The following SIN3A variants were observed in gnomAD, a reference collection of about 807,000 sequenced individuals.
SIN3A encodes the protein SIN3 transcription regulator family member A, also known as paired amphipathic helix protein Sin3a.
In SIN3A, 14 loss-of-function variants were observed where a neutral mutation model predicts 146.1. That is an observed-to-expected ratio of 0.10 (90% CI 0.06 to 0.15). The LOEUF is 0.15. Among genes scored for constraint, SIN3A ranks in the 10% least tolerant of loss-of-function variants. The pLI is 1.00. For missense variants in SIN3A, 1,028 were observed against 1,576.0 expected (o/e 0.65, Z 5.89); for synonymous variants, 572 against 572.0 (o/e 1.00, Z 0.00).
At chr15:75,376,655 G>C (rs1033937931) in intron 19 of SIN3A, among the ~76,000 whole-genome samples, 2 of 151,210 alleles carry the variant, frequency 1.3e-5, no homozygotes, top group Non-Finnish European at 2.9e-5. Context: ...TCAGGAGTTT[G>C]AGACTAGCCT....
upstream of SIN3A, among the ~76,000 whole-genome samples, chr15:75,452,108 A>C (rs1443542509): frequency 6.6e-6 from 1 of 152,212 alleles, no homozygotes; most frequent in Non-Finnish European, 1.5e-5. Context: ...CGCCCCAGTA[A>C]GGTAAGTAAC....
rs76736503 is a variant in SIN3A, at chr15:75,417,289, C to T, written c.367-2978G>A. Among the ~76,000 whole-genome samples, 1,261 of 151,982 alleles carry T rather than the reference C, an allele frequency of 8.3e-3. 22 individuals are homozygous for T. The highest frequency in any genetic ancestry group is 0.029 in the African/African-American group (1,196 of 41,448). ...GTTAAGTTTTATTTTGGTAGTTTAA[C>T]TGAAGCCTAAATATTTAAAATTATA... On this transcript the variant is annotated intron_variant, in intron 3 of 20. Coordinates refer to ENST00000394947, the MANE Select transcript of SIN3A (RefSeq NM_001145358.2).
At chr15:75,398,575 G>A (rs1262445299) in intron 12 of SIN3A, among the ~76,000 whole-genome samples, 2 of 152,134 alleles carry the variant, frequency 1.3e-5, no homozygotes, top group African/African-American at 4.8e-5. Flanking sequence ...ATACTTGGGA[G>A]GCTGAGGCAG....
chr15:75,388,913 G>A (rs2073144400), intron 16 of SIN3A: 1 of 152,070 alleles, frequency 6.6e-6, no homozygotes, highest in South Asian at 2.1e-4. Flanking sequence ...AATCTCTCTG[G>A]GAGTTCAGAA....
chr15:75,432,973 C>T (rs1196238361), intron 1 of SIN3A, among the ~76,000 whole-genome samples: 4 of 152,150 alleles, frequency 2.6e-5, no homozygotes, highest in Admixed American at 6.5e-5. Flanking sequence ...ACCTGGGAGG[C>T]GGAGGTTGCA....
At chr15:75,424,113 T>C (rs2073885003) in intron 2 of SIN3A, among the ~76,000 whole-genome samples, 1 of 152,054 alleles carries the variant, frequency 6.6e-6, no homozygotes, top group Admixed American at 6.6e-5. Context: ...CCAATAAAAA[T>C]AAATTACTAT....
Position 75,371,801 on chromosome 15 carries a change from C to T in SIN3A, c.*178G>A. ...TCAGCTTTGTAAGGTATTCATGTTC[C>T]TAACAGGTAGCCCACTTGGTGCCAG... On this transcript the variant is annotated 3_prime_UTR_variant, in exon 21 of 21. Coordinates refer to ENST00000394947, the MANE Select transcript of SIN3A (RefSeq NM_001145358.2). The T allele has an allele frequency of 1.6e-6, 1 of 606,530 alleles. No homozygotes were observed. The highest frequency in any genetic ancestry group is 2.8e-5 in the East Asian group (1 of 35,362). 37.6% of individuals were successfully genotyped at this position (606,530 alleles called of 1,614,324 possible). A position where few individuals can be genotyped will look rare whatever the true frequency, so the allele number is the denominator to read the frequency against.
At chr15:75,432,663 G>A (rs941216451) in intron 1 of SIN3A, among the ~76,000 whole-genome samples, 13 of 136,386 alleles carry the variant, frequency 9.5e-5, no homozygotes, top group Admixed American at 3.9e-4. Flanking sequence ...TCCAGCCTGG[G>A]CAACAGACTG....
intron 1 of SIN3A, among the ~76,000 whole-genome samples, chr15:75,436,133 CA>C (rs60381548): frequency 4.3e-5 from 6 of 138,758 alleles, no homozygotes; most frequent in African/African-American, 1.3e-4. Context: ...GACTCTGTCT[CA>C]AAAAAAAAAC....
intron 19 of SIN3A, among the ~76,000 whole-genome samples, chr15:75,380,124 G>T (rs1567314411): frequency 6.6e-6 from 1 of 152,176 alleles, no homozygotes; most frequent in African/African-American, 2.4e-5. Context: ...AAAAATCCTG[G>T]CACAGAGTCT....
At chr15:75,429,884 A>AT (rs367810931) in intron 2 of SIN3A, among the ~76,000 whole-genome samples, 150 of 152,310 alleles carry the variant, frequency 9.8e-4, no homozygotes, top group African/African-American at 3.4e-3. Flanking sequence ...AAACTAAACA[A>AT]TTATGTTAGT....
chr15:75,406,253 C>T (rs969492226), intron 9 of SIN3A, among the ~76,000 whole-genome samples: 2 of 152,168 alleles, frequency 1.3e-5, no homozygotes, highest in South Asian at 4.1e-4. Flanking sequence ...TAAGGCACCA[C>T]ACAACATCAT....
chr15:75,372,837 AAAACCC>A (rs1169411088), intron 20 of SIN3A, among the ~76,000 whole-genome samples: 1 of 151,470 alleles, frequency 6.6e-6, no homozygotes, highest in African/African-American at 2.4e-5. Context: ...AAAAAAAAAA[AAAACCC>A]AAAACCCCCA....
intron 2 of SIN3A, among the ~76,000 whole-genome samples, chr15:75,426,361 C>T (rs1231046677): frequency 6.6e-6 from 1 of 152,204 alleles, no homozygotes; most frequent in African/African-American, 2.4e-5. Context: ...TGCATTTCCT[C>T]TTCTTTATAT....
intron 15 of SIN3A, among the ~76,000 whole-genome samples, chr15:75,391,228 C>T (rs1183144029): frequency 6.6e-6 from 1 of 152,146 alleles, no homozygotes; most frequent in African/African-American, 2.4e-5. Flanking sequence ...TTTGTCCAAA[C>T]AAGCTGTGGT....
At chr15:75,375,524 A>T in intron 20 of SIN3A, 141 bp downstream of exon 20, 1 of 673,148 alleles carries the variant, frequency 1.5e-6, no homozygotes, top group South Asian at 1.9e-5. Flanking sequence ...TTAGCAACCA[A>T]CATACGTACT....
rs2072972842 is a variant in SIN3A, at chr15:75,381,643, C to T, written c.3258G>A (p.Glu1086=). 1.2e-6 allele frequency: 2 copies of T among 1,613,920 alleles called. No homozygotes were observed. Among genetic ancestry groups the T allele is most frequent in the African/African-American group, 1.3e-5 (1 of 75,012 alleles). Residue 1086 remains glutamate (E), a synonymous_variant, in exon 18 of 21, where the codon GAG becomes GAA. Coordinates refer to ENST00000394947, the MANE Select transcript of SIN3A (RefSeq NM_001145358.2). ...QLTIELLDTE[E]ENSDDPVEAE... ...CTTCCACAGGGTCATCCGAATTCTC[C>T]TCTTCTGTGTCCAGAAGCTCAATAG...
intron 1 of SIN3A, among the ~76,000 whole-genome samples, chr15:75,437,540 G>C (rs2074128965): frequency 6.6e-6 from 1 of 152,120 alleles, no homozygotes; most frequent in South Asian, 2.1e-4. Context: ...CTGACTAAAA[G>C]AGCAAGAGGT....
intron 1 of SIN3A, among the ~76,000 whole-genome samples, chr15:75,437,499 CAAATT>C (rs1475981588): frequency 6.6e-6 from 1 of 152,090 alleles, no homozygotes; most frequent in East Asian, 1.9e-4. Flanking sequence ...AACTGATACT[CAAATT>C]AAATGACTTA....
Sources: allele counts gnomAD v4.1 joint callset (sites outside exome capture counted in the v4.1 genomes callset), GRCh38; gene constraint gnomAD v4.1.1; transcripts MANE v1.5; gene names NCBI Gene and HGNC (gene_info 2026-07-23, HGNC 2026-07-21).